CDH6: variants seen among roughly 807,000 people sequenced by gnomAD.
The protein encoded by CDH6 is cadherin-6.
A neutral mutation model predicts 78.0 loss-of-function variants in CDH6; 31 were observed. The ratio of observed to expected loss-of-function variants is 0.40; its 90% CI spans 0.30 to 0.54. The LOEUF is 0.54. CDH6 is among the 20% of genes least tolerant of loss of function. CDH6 has a pLI of 0.56. For missense variants in CDH6, 724 were observed against 975.9 expected (o/e 0.74, Z 3.44); for synonymous variants, 376 against 368.8 (o/e 1.02, Z -0.23).
At chr5:31,263,446 T>C (rs1160671394) in intron 1 of CDH6, among the ~76,000 whole-genome samples, 1 of 145,598 alleles carries the variant, frequency 6.9e-6, no homozygotes, top group Non-Finnish European at 1.5e-5. Flanking sequence ...GGGGTCTTTT[T>C]TTTTTTTTTT....
chr5:31,212,358 T>C (rs1740731416), intron 1 of CDH6, among the ~76,000 whole-genome samples: 1 of 152,196 alleles, frequency 6.6e-6, no homozygotes, highest in African/African-American at 2.4e-5. Context: ...TTAAAAAATT[T>C]TTCATTAATT....
At chr5:31,243,613 A>G (rs181447056) in intron 1 of CDH6, among the ~76,000 whole-genome samples, 56 of 152,254 alleles carry the variant, frequency 3.7e-4, no homozygotes, top group African/African-American at 1.3e-3. Flanking sequence ...TACTGGCCCA[A>G]GCTTGCCTGC....
chr5:31,259,223 C>T (rs1453889065), intron 1 of CDH6, among the ~76,000 whole-genome samples: 2 of 152,208 alleles, frequency 1.3e-5, no homozygotes, highest in Non-Finnish European at 2.9e-5. Flanking sequence ...AATATCTCTA[C>T]TCTTTGTAAC....
intron 1 of CDH6, among the ~76,000 whole-genome samples, chr5:31,258,870 G>GCT (rs1742130436): frequency 6.6e-6 from 1 of 152,118 alleles, no homozygotes; most frequent in East Asian, 1.9e-4. Context: ...TGTCATGTGG[G>GCT]CAGCAGCCTG....
chr5:31,325,963 G>C lies in CDH6; in HGVS notation c.*2655G>C, dbSNP rs1179700153. On this transcript the variant is annotated 3_prime_UTR_variant, in exon 12 of 12. Coordinates refer to ENST00000265071, the MANE Select transcript of CDH6 (RefSeq NM_004932.4). ...CATAGTTCCATCATTCTCCAGCTTC[G>C]TCTCACTTCCTTCCCACCCCACCTG... is the stretch of plus-strand genomic sequence containing the variant. The C allele has an allele frequency of 4.3e-6, 1 of 231,968 alleles. No homozygotes were observed. Among genetic ancestry groups the C allele is most frequent in the Non-Finnish European group, 8.5e-6 (1 of 117,448 alleles). 14.4% of individuals were successfully genotyped at this position (231,968 alleles called of 1,614,324 possible). A position where few individuals can be genotyped will look rare whatever the true frequency, so the allele number is the denominator to read the frequency against.
At chr5:31,215,085 T>C (rs920086680) in intron 1 of CDH6, among the ~76,000 whole-genome samples, 2 of 152,176 alleles carry the variant, frequency 1.3e-5, no homozygotes, top group African/African-American at 4.8e-5. Flanking sequence ...AGAAGAAAAG[T>C]CCTTTAGTAA....
chr5:31,225,526 G>A (rs1159675947), intron 1 of CDH6, among the ~76,000 whole-genome samples: 1 of 152,158 alleles, frequency 6.6e-6, no homozygotes, highest in Non-Finnish European at 1.5e-5. Context: ...GAAGCCTCAG[G>A]AAACTTACAA....
intron 2 of CDH6, among the ~76,000 whole-genome samples, chr5:31,291,756 C>T (rs1252933724): frequency 1.3e-5 from 2 of 152,190 alleles, no homozygotes; most frequent in Non-Finnish European, 2.9e-5. Context: ...GTTAAACTTT[C>T]CCCAGTGGCT....
At chr5:31,270,297 G>A (rs894257997) in intron 2 of CDH6, among the ~76,000 whole-genome samples, 1 of 152,198 alleles carries the variant, frequency 6.6e-6, no homozygotes, top group African/African-American at 2.4e-5. Context: ...ATAGTGCCAT[G>A]TATTAAATAG....
intron 2 of CDH6, among the ~76,000 whole-genome samples, chr5:31,292,387 TC>T (rs564375767): frequency 1.1e-3 from 169 of 152,312 alleles, no homozygotes; most frequent in Non-Finnish European, 1.7e-3. Flanking sequence ...CCTCAGCACT[TC>T]CTGTAAATGA....
At chr5:31,293,873 AGTT>A in intron 2 of CDH6, 86 bp from the exon 3 acceptor site, 1 of 785,886 alleles carries the variant, frequency 1.3e-6, no homozygotes, top group East Asian at 2.7e-5. Flanking sequence ...ATTTAATAAA[AGTT>A]AATGTAGCAT....
intron 2 of CDH6, among the ~76,000 whole-genome samples, chr5:31,284,496 C>T (rs1315190385): frequency 1.3e-5 from 2 of 152,184 alleles, no homozygotes; most frequent in African/African-American, 2.4e-5. Context: ...GGGGCGATCA[C>T]GTGGTGAGGG....
intron 4 of CDH6, among the ~76,000 whole-genome samples, chr5:31,298,222 A>T (rs1396765736): frequency 6.6e-6 from 1 of 152,204 alleles, no homozygotes; most frequent in African/African-American, 2.4e-5. Flanking sequence ...TAAATTGCAC[A>T]CATATTTTTA....
intron 2 of CDH6, among the ~76,000 whole-genome samples, chr5:31,274,207 A>T (rs1742621350): frequency 6.6e-6 from 1 of 152,246 alleles, no homozygotes; most frequent in Non-Finnish European, 1.5e-5. Context: ...ATTTGTTTCC[A>T]CTGAAAGTGA....
At chr5:31,295,581 T>C (rs766774115) in intron 3 of CDH6, among the ~76,000 whole-genome samples, 1 of 152,178 alleles carries the variant, frequency 6.6e-6, no homozygotes, top group Non-Finnish European at 1.5e-5. Context: ...TATGGTGACA[T>C]TGATCATCCT....
At position 31,328,175 on chromosome 5, in the gene CDH6, CTTTTTTTTTTTTT is replaced by C. The variant is rs151043213; in HGVS notation, c.*4876_*4888del. 2.9e-3 allele frequency: 354 copies of C among 122,146 alleles called. 4 individuals are homozygous for C. Among genetic ancestry groups the C allele is most frequent in the African/African-American group, 0.012 (336 of 27,928 alleles). 7.6% of individuals were successfully genotyped at this position (122,146 alleles called of 1,614,324 possible). A position where few individuals can be genotyped will look rare whatever the true frequency, so the allele number is the denominator to read the frequency against. Reference sequence around the variant, plus strand: ...AGAGCTTTTACAAGTTGCTTAATTCCTTTTTTTTTTTTTTTTTTTTTCAAAAACCCATGAACCA... The same window carrying C: ...AGAGCTTTTACAAGTTGCTTAATTCCTTTTTTTTCAAAAACCCATGAACCA... On this transcript the variant is annotated 3_prime_UTR_variant, in exon 12 of 12. Transcript: ENST00000265071.
chr5:31,262,139 T>A (rs1329671882), intron 1 of CDH6, among the ~76,000 whole-genome samples: 3 of 152,212 alleles, frequency 2.0e-5, no homozygotes, highest in Non-Finnish European at 4.4e-5. Context: ...TCTATCTTGA[T>A]AGGACTTGAA....
intron 1 of CDH6, among the ~76,000 whole-genome samples, chr5:31,244,097 T>C (rs1281620578): frequency 6.6e-6 from 1 of 152,214 alleles, no homozygotes; most frequent in Non-Finnish European, 1.5e-5. Context: ...GTGTCATGTT[T>C]ATATATTTTT....
intron 1 of CDH6, among the ~76,000 whole-genome samples, chr5:31,255,264 C>A (rs1742025360): frequency 6.6e-6 from 1 of 152,236 alleles, no homozygotes. Context: ...TTTATAATTA[C>A]ACAAGCGCAC....
Sources: allele counts gnomAD v4.1 joint callset (sites outside exome capture counted in the v4.1 genomes callset), GRCh38; gene constraint gnomAD v4.1.1; transcripts MANE v1.5; gene names NCBI Gene and HGNC (gene_info 2026-07-23, HGNC 2026-07-21).